ATF7: variants seen among roughly 807,000 people sequenced by gnomAD.
The protein encoded by ATF7 is activating transcription factor 7, also known as cyclic AMP-dependent transcription factor ATF-7.
A neutral mutation model predicts 50.4 loss-of-function variants in ATF7; 10 were observed. That is an observed-to-expected ratio of 0.20 (90% CI 0.12 to 0.34). The LOEUF (loss-of-function observed/expected upper bound fraction) is 0.34. ATF7 is among the 10% of genes least tolerant of loss of function. The probability of loss-of-function intolerance (pLI) is 1.00; values close to 1 mark genes in which losing one functional copy is unlikely to be tolerated. For synonymous variants in ATF7, 201 were observed against 226.4 expected (o/e 0.89, Z 1.01); for missense variants, 465 against 613.9 (o/e 0.76, Z 2.56).
intron 1 of ATF7, among the ~76,000 whole-genome samples, chr12:53,619,486 CAAAAAAAAA>C (rs112474373): frequency 3.1e-5 from 2 of 64,054 alleles, no homozygotes; most frequent in African/African-American, 5.7e-5. Context: ...GACTCCGTGT[CAAAAAAAAA>C]AAAAAAAAGA....
intron 2 of ATF7, among the ~76,000 whole-genome samples, chr12:53,583,595 T>C (rs2137717793): frequency 1.3e-5 from 2 of 152,222 alleles, no homozygotes; most frequent in Middle Eastern, 6.8e-3. Context: ...CAGTCCCTGG[T>C]GTCAAAAAGG....
At chr12:53,568,140 T>C (rs1368289104) in intron 2 of ATF7, among the ~76,000 whole-genome samples, 1 of 152,196 alleles carries the variant, frequency 6.6e-6, no homozygotes, top group Non-Finnish European at 1.5e-5. Context: ...TTCCTGATAA[T>C]ACAGGAGTTT....
At chr12:53,624,992 CAT>C (rs982782714) in intron 1 of ATF7, among the ~76,000 whole-genome samples, 1 of 152,168 alleles carries the variant, frequency 6.6e-6, no homozygotes, top group Non-Finnish European at 1.5e-5. Flanking sequence ...ACACAGGACT[CAT>C]GTGAGCTTGC....
chr12:53,534,436 T>C (rs924881586), intron 6 of ATF7, 66 bp downstream of exon 6: 9 of 1,596,186 alleles, frequency 5.6e-6, no homozygotes, highest in Admixed American at 1.7e-5. Context: ...CCCAGTTTTA[T>C]CAAATAGTTT....
intron 1 of ATF7, among the ~76,000 whole-genome samples, chr12:53,620,097 T>C (rs1427028139): frequency 6.6e-6 from 1 of 152,010 alleles, no homozygotes; most frequent in Non-Finnish European, 1.5e-5. Context: ...TGAGCCATGA[T>C]TGTGCCACTG....
intron 4 of ATF7, among the ~76,000 whole-genome samples, chr12:53,537,978 T>G (rs1404484915): frequency 2.0e-5 from 3 of 152,096 alleles, no homozygotes; most frequent in African/African-American, 4.8e-5. Context: ...TCCCAAAGTG[T>G]TGGGATTACA....
At chr12:53,540,148 C>T (rs866758730) in intron 4 of ATF7, among the ~76,000 whole-genome samples, 5 of 151,578 alleles carry the variant, frequency 3.3e-5, no homozygotes, top group African/African-American at 7.3e-5. Flanking sequence ...GTCAAGAGTT[C>T]GAGACCAGCC....
chr12:53,529,904 C>G (rs986365669), intron 9 of ATF7, among the ~76,000 whole-genome samples: 17 of 151,588 alleles, frequency 1.1e-4, no homozygotes, highest in African/African-American at 3.9e-4. Flanking sequence ...CCACGCCTGG[C>G]TAATCTTTGT....
intron 4 of ATF7, among the ~76,000 whole-genome samples, chr12:53,537,931 C>T (rs1485879967): frequency 1.3e-5 from 2 of 152,062 alleles, no homozygotes; most frequent in Non-Finnish European, 2.9e-5. Context: ...AGGCTGATCT[C>T]GAACTCCCGA....
downstream of ATF7, among the ~76,000 whole-genome samples, chr12:53,509,867 A>C (rs1473088103): frequency 2.0e-5 from 3 of 151,968 alleles, no homozygotes; most frequent in African/African-American, 7.2e-5. Flanking sequence ...GGCATCTAGG[A>C]ACCAACTTAT....
intron 2 of ATF7, among the ~76,000 whole-genome samples, chr12:53,595,570 T>C (rs1943118882): frequency 6.6e-6 from 1 of 152,228 alleles, no homozygotes; most frequent in Admixed American, 6.5e-5. Context: ...TCATAGGAGC[T>C]ATTTGTTGCC....
At chr12:53,605,175 G>T (rs940365201) in intron 1 of ATF7, among the ~76,000 whole-genome samples, 1 of 151,974 alleles carries the variant, frequency 6.6e-6, no homozygotes, top group Non-Finnish European at 1.5e-5. Context: ...GATCACCCGA[G>T]GTCAGGAGTT....
At chr12:53,581,075 G>A (rs904890227) in intron 2 of ATF7, among the ~76,000 whole-genome samples, 1 of 151,508 alleles carries the variant, frequency 6.6e-6, no homozygotes, top group African/African-American at 2.4e-5. Context: ...TTGTGCCACT[G>A]CACTCCAGCC....
At chr12:53,623,200 T>TA (rs1354730432) in intron 1 of ATF7, among the ~76,000 whole-genome samples, 1 of 152,174 alleles carries the variant, frequency 6.6e-6, no homozygotes, top group Non-Finnish European at 1.5e-5. Flanking sequence ...ACTTTCTCCT[T>TA]AGAGTATTCA....
chr12:53,524,822 C>T lies in ATF7; in HGVS notation c.928-61G>A. The T allele has an allele frequency of 7.1e-7, 1 of 1,400,510 alleles. No individual in the cohort carries two copies. Among genetic ancestry groups the T allele is most frequent in the Non-Finnish European group, 9.6e-7 (1 of 1,046,864 alleles). The allele number at this position is 1,400,510 out of a possible 1,614,324, so 86.8% of individuals were successfully genotyped here. On this transcript the variant is annotated intron_variant, in intron 9 of 11. Transcript: ENST00000420353. This position sits in a 1 kb window ranked among gnomAD's most constrained non-coding sequence, Gnocchi z 4.6. ...GAACATTAATCCTTTCCAAATCACA[C>T]CTGATGTTAGGTAGAGTAGTAAGAT...
At chr12:53,554,133 T>C (rs949424640) in intron 2 of ATF7, among the ~76,000 whole-genome samples, 1 of 151,960 alleles carries the variant, frequency 6.6e-6, no homozygotes, top group Non-Finnish European at 1.5e-5. Context: ...TTATTTTTAT[T>C]TATTTATTTA....
At position 53,617,490 on chromosome 12, in the gene ATF7, A is replaced by G. The variant is rs572329636; in HGVS notation, c.-22+8789T>C. Among the ~76,000 whole-genome samples the G allele has an allele frequency of 5.5e-4, 83 of 152,208 alleles. 2 individuals are homozygous for G. The highest frequency in any genetic ancestry group is 1.9e-3 in the African/African-American group (80 of 41,536). ...CTAAAAATACAAAAATTAGCCAAGC[A>G]TAGTGGCAGGCAACTGTAATCCCAG... On this transcript the variant is annotated intron_variant, in intron 1 of 11. Coordinates refer to ENST00000420353, the MANE Select transcript of ATF7 (RefSeq NM_006856.3).
At chr12:53,613,095 A>G (rs1251912396) in intron 1 of ATF7, among the ~76,000 whole-genome samples, 1 of 152,230 alleles carries the variant, frequency 6.6e-6, no homozygotes, top group African/African-American at 2.4e-5. Context: ...TTAACATAGC[A>G]GTACTAAAAA....
chr12:53,534,149 C>T (rs368384103), intron 6 of ATF7, among the ~76,000 whole-genome samples: 2 of 151,990 alleles, frequency 1.3e-5, no homozygotes, highest in Non-Finnish European at 2.9e-5. Flanking sequence ...TGGTTGCAGG[C>T]GCCTGTGTTC....
Sources: gnomAD v4.1 joint callset for allele counts (sites outside exome capture counted in the v4.1 genomes callset) on GRCh38, gnomAD v4.1.1 for gene constraint, Gnocchi (gnomAD v3.1) non-coding constraint, MANE v1.5 for transcripts, NCBI Gene and HGNC (gene_info 2026-07-23, HGNC 2026-07-21) for gene names.